The following MECOM variants were observed in gnomAD, a reference collection of about 807,000 sequenced individuals.
MECOM encodes the protein histone-lysine N-methyltransferase MECOM.
Under a neutral mutation model 116.3 loss-of-function variants are expected in MECOM, and 13 were observed. That is an observed-to-expected ratio of 0.11 (90% confidence interval 0.07 to 0.18). MECOM has a LOEUF of 0.18. Ranked by LOEUF, MECOM falls within the 10% of genes least tolerant of loss-of-function variation. MECOM has a pLI of 1.00. For missense variants in MECOM, 1,299 were observed against 1,509.0 expected, an observed-to-expected ratio of 0.86 and a Z score of 2.31; for synonymous variants, 528 against 535.2, an observed-to-expected ratio of 0.99 and a Z score of 0.19.
intron 6 of MECOM, among the ~76,000 whole-genome samples, chr3:169,121,803 A>C (rs1300851120): frequency 6.6e-6 from 1 of 152,190 alleles, no homozygotes; most frequent in Non-Finnish European, 1.5e-5. Flanking sequence ...TATGAGAAAA[A>C]AACATACAAA....
intron 1 of MECOM, among the ~76,000 whole-genome samples, chr3:169,434,360 T>A (rs2108575081): frequency 6.6e-6 from 1 of 152,252 alleles, no homozygotes; most frequent in Non-Finnish European, 1.5e-5. Flanking sequence ...TAGTAACAAG[T>A]TGAGCTTTTT....
At chr3:169,568,575 C>T (rs552013610) in intron 1 of MECOM, among the ~76,000 whole-genome samples, 1 of 152,286 alleles carries the variant, frequency 6.6e-6, no homozygotes, top group East Asian at 1.9e-4. Context: ...AGGAAGTATT[C>T]CCCTCACAGT....
chr3:169,661,827 G>A (rs1270000933), intron 1 of MECOM, among the ~76,000 whole-genome samples: 1 of 152,314 alleles, frequency 6.6e-6, no homozygotes, highest in Admixed American at 6.5e-5. Flanking sequence ...CTGGGGAGAA[G>A]CATCCCACCC....
chr3:169,300,405 C>A (rs960664194), intron 2 of MECOM, among the ~76,000 whole-genome samples: 18 of 152,202 alleles, frequency 1.2e-4, no homozygotes, highest in African/African-American at 4.1e-4. Flanking sequence ...ATAAAATGAT[C>A]TTGCGGCGTT....
intron 1 of MECOM, among the ~76,000 whole-genome samples, chr3:169,521,545 C>T (rs1757352817): frequency 6.6e-6 from 1 of 152,102 alleles, no homozygotes; most frequent in Non-Finnish European, 1.5e-5. Context: ...CTCCAGATGC[C>T]CTAGTGTCTC....
chr3:169,412,960 T>C (rs1737795476), intron 1 of MECOM, among the ~76,000 whole-genome samples: 1 of 152,240 alleles, frequency 6.6e-6, no homozygotes, highest in African/African-American at 2.4e-5. Context: ...ATGGTCAAGA[T>C]AACACCAGTG....
At chr3:169,146,106 C>T in intron 2 of MECOM, 1 of 400,008 alleles carries the variant, frequency 2.5e-6, no homozygotes, top group Non-Finnish European at 3.8e-6. Flanking sequence ...TAACACACTC[C>T]TGTGTTTTTA....
At chr3:169,397,688 A>G (rs1577976301) in intron 1 of MECOM, among the ~76,000 whole-genome samples, 1 of 152,204 alleles carries the variant, frequency 6.6e-6, no homozygotes, top group Non-Finnish European at 1.5e-5. Context: ...CACGACCTTG[A>G]TAACATTCTC....
chr3:169,411,873 C>T (rs891136787), intron 1 of MECOM, among the ~76,000 whole-genome samples: 4 of 152,142 alleles, frequency 2.6e-5, no homozygotes, highest in Non-Finnish European at 5.9e-5. Flanking sequence ...TGCCTGTGAT[C>T]CCAGCTACTC....
At chr3:169,558,830 T>C (rs1015913831) in intron 1 of MECOM, among the ~76,000 whole-genome samples, 6 of 152,118 alleles carry the variant, frequency 3.9e-5, no homozygotes, top group Non-Finnish European at 4.4e-5. Flanking sequence ...GTCAGAAGTA[T>C]TCAACTTACC....
At chr3:169,333,065 A>G (rs1375063347) in intron 2 of MECOM, among the ~76,000 whole-genome samples, 1 of 152,236 alleles carries the variant, frequency 6.6e-6, no homozygotes, top group Non-Finnish European at 1.5e-5. Flanking sequence ...TGAAATTTAA[A>G]TTAATAATAT....
chr3:169,482,242 A>G (rs1364191085), intron 1 of MECOM, among the ~76,000 whole-genome samples: 1 of 151,970 alleles, frequency 6.6e-6, no homozygotes, highest in Non-Finnish European at 1.5e-5. Context: ...TGAAACTAAG[A>G]CACACTGGGG....
chr3:169,115,110 C>A (rs1728721417), intron 8 of MECOM, among the ~76,000 whole-genome samples: 1 of 152,034 alleles, frequency 6.6e-6, no homozygotes, highest in African/African-American at 2.4e-5. Context: ...CCCATATTTT[C>A]CACTCCAAAA....
chr3:169,455,135 C>T (rs1746258668), intron 1 of MECOM, among the ~76,000 whole-genome samples: 1 of 152,054 alleles, frequency 6.6e-6, no homozygotes, highest in Non-Finnish European at 1.5e-5. Context: ...TTCAAATAGG[C>T]TAAGTGTCAT....
In MECOM at chr3:169,514,748, G is replaced by A. The variant is rs546465400; in HGVS notation, c.38-133224C>T. On this transcript the variant is annotated intron_variant, in intron 1 of 16. Transcript: ENST00000651503. The stretch of plus-strand genomic sequence containing the variant: ...AGCAGATGCCCGATGAATGTTCACG[G>A]AATGAGTAAATAACCCCTGAATGGG... Among the ~76,000 whole-genome samples the A allele has an allele frequency of 2.0e-5, 3 of 152,286 alleles. No individual in the cohort carries two copies. The South Asian group carries it at 6.2e-4, about 32-fold the overall frequency.
chr3:169,163,679 A>G (rs1373435980), intron 2 of MECOM, among the ~76,000 whole-genome samples: 5 of 151,236 alleles, frequency 3.3e-5, no homozygotes, highest in East Asian at 3.9e-4. Context: ...ATCTGCCTGT[A>G]TATTCTGCCA....
At chr3:169,211,027 T>C (rs1228201284) in intron 2 of MECOM, among the ~76,000 whole-genome samples, 1 of 152,164 alleles carries the variant, frequency 6.6e-6, no homozygotes, top group Admixed American at 6.6e-5. Context: ...TATTAATGGA[T>C]ATTTGTGCAG....
intron 2 of MECOM, among the ~76,000 whole-genome samples, chr3:169,235,168 TC>T (rs1404616270): frequency 6.6e-6 from 1 of 152,226 alleles, no homozygotes; most frequent in Non-Finnish European, 1.5e-5. Flanking sequence ...ACTTCTATTA[TC>T]ATCAATGTGA....
chr3:169,543,367 A>G (rs569268092), intron 1 of MECOM, among the ~76,000 whole-genome samples: 1 of 152,308 alleles, frequency 6.6e-6, no homozygotes, highest in East Asian at 1.9e-4. Flanking sequence ...TGAGGCTAGG[A>G]GTTCTAGACC....
Sources: gnomAD v4.1 joint callset for allele counts (sites outside exome capture counted in the v4.1 genomes callset) on GRCh38, gnomAD v4.1.1 for gene constraint, MANE v1.5 for transcripts, NCBI Gene and HGNC (gene_info 2026-07-23, HGNC 2026-07-21) for gene names.